Variants in AFF3 observed in about 807,000 individuals in gnomAD.
AFF3 encodes ALF transcription elongation factor 3.
AFF3 carries 32 observed loss-of-function variants against 129.7 expected under a neutral mutation model. The ratio of observed to expected loss-of-function variants is 0.25; its 90% CI spans 0.19 to 0.33. The LOEUF is 0.33. Ranked by LOEUF, AFF3 falls within the 10% of genes least tolerant of loss-of-function variation. The pLI is 1.00. For missense variants in AFF3, 1,373 were observed against 1,592.0 expected, an observed-to-expected ratio of 0.86 and a Z score of 2.34; for synonymous variants, 644 against 635.4, an observed-to-expected ratio of 1.01 and a Z score of -0.20.
intron 14 of AFF3, among the ~76,000 whole-genome samples, chr2:99,595,567 T>G (rs1679203846): frequency 6.6e-6 from 1 of 152,008 alleles, no homozygotes; most frequent in African/African-American, 2.4e-5. Context: ...TTTAATAAAA[T>G]TTTAATAAAA....
Position 99,735,029 on chromosome 2 carries a change from G to A in AFF3, c.1040-7901C>T, listed in dbSNP as rs187005230. Among the ~76,000 whole-genome samples the A allele has an allele frequency of 1.7e-3, 262 of 152,086 alleles. 1 individual carries two copies. The highest frequency in any genetic ancestry group is 5.8e-3 in the African/African-American group (240 of 41,484). ...GTGGAATGATTTTTAAAAAATTACT[G>A]GGCCAATTGTTAAAACGGCTATAGG... On this transcript the variant is annotated intron_variant, in intron 10 of 24. Coordinates refer to ENST00000672756, the MANE Select transcript of AFF3 (RefSeq NM_001386135.1).
At chr2:99,981,953 A>C (rs1679443057) in intron 7 of AFF3, among the ~76,000 whole-genome samples, 1 of 152,198 alleles carries the variant, frequency 6.6e-6, no homozygotes, top group Admixed American at 6.5e-5. Context: ...TGAATTGTCA[A>C]CTGTGGGAAG....
chr2:99,551,603 G>C lies in AFF3; in HGVS notation c.3560-8C>G. 6.2e-7 allele frequency: 1 copy of C among 1,613,928 alleles called. No individual in the cohort carries two copies. Among genetic ancestry groups the C allele is most frequent in the Non-Finnish European group, 8.5e-7 (1 of 1,179,918 alleles). On this transcript the variant is annotated splice_region_variant and splice_polypyrimidine_tract_variant and intron_variant, in intron 24 of 24. Transcript: ENST00000672756. ...CCAGGTCGTTGAAGAATTCTAGGGGGACAGAAAGAGTTGTTAAGAATGCCA... is the reference window on the plus strand; with the variant it reads ...CCAGGTCGTTGAAGAATTCTAGGGGCACAGAAAGAGTTGTTAAGAATGCCA...
At chr2:99,967,930 C>G (rs1439300648) in intron 7 of AFF3, among the ~76,000 whole-genome samples, 1 of 152,210 alleles carries the variant, frequency 6.6e-6, no homozygotes, top group Non-Finnish European at 1.5e-5. Context: ...CCTCACACAG[C>G]CACAGGATTG....
At chr2:100,106,815 A>G (rs1056319074) in intron 2 of AFF3, 1 of 985,482 alleles carries the variant, frequency 1.0e-6, no homozygotes, top group Non-Finnish European at 1.2e-6. Context: ...CCTGGAGCTC[A>G]GATACAGATT....
intron 4 of AFF3, among the ~76,000 whole-genome samples, chr2:100,100,406 C>G (rs1417278373): frequency 3.3e-5 from 5 of 149,788 alleles, no homozygotes; most frequent in Non-Finnish European, 7.4e-5. Flanking sequence ...AGCCCTTGTT[C>G]AAGTTTTCTT....
intron 7 of AFF3, among the ~76,000 whole-genome samples, chr2:99,997,483 C>A (rs891276483): frequency 8.6e-5 from 13 of 151,898 alleles, no homozygotes; most frequent in South Asian, 2.1e-4. Context: ...TCACCCCCCC[C>A]CCAGATTAGC....
chr2:99,568,815 A>G, intron 19 of AFF3, 37 bp downstream of exon 19: 2 of 1,599,350 alleles, frequency 1.3e-6, no homozygotes, highest in Non-Finnish European at 1.7e-6. Context: ...TACACACATA[A>G]TTTGGAAGAA....
chr2:100,079,415 G>A (rs1474608468), intron 4 of AFF3, among the ~76,000 whole-genome samples: 5 of 152,164 alleles, frequency 3.3e-5, no homozygotes, highest in Non-Finnish European at 7.4e-5. Context: ...TAGCAAACTA[G>A]AAAACAGATT....
At chr2:100,029,922 C>T (rs1241181228) in intron 4 of AFF3, among the ~76,000 whole-genome samples, 1 of 151,998 alleles carries the variant, frequency 6.6e-6, no homozygotes, top group Non-Finnish European at 1.5e-5. Context: ...GAATAATTAG[C>T]CAGGCATGGT....
At chr2:99,947,054 T>C (rs540036897) in intron 7 of AFF3, among the ~76,000 whole-genome samples, 4 of 152,316 alleles carry the variant, frequency 2.6e-5, no homozygotes, top group Admixed American at 1.3e-4. Context: ...ATTTATTCAA[T>C]ATTTATTATG....
intron 8 of AFF3, among the ~76,000 whole-genome samples, chr2:99,805,938 G>A (rs1443931394): frequency 6.6e-6 from 1 of 151,450 alleles, no homozygotes; most frequent in Non-Finnish European, 1.5e-5. Context: ...GCACATCTTT[G>A]AAAACTCAAC....
chr2:99,699,850 A>C (rs2104764133), intron 11 of AFF3, among the ~76,000 whole-genome samples: 1 of 152,354 alleles, frequency 6.6e-6, no homozygotes, highest in East Asian at 1.9e-4. Flanking sequence ...AACTGCTGAA[A>C]GGGAATCGAG....
At chr2:99,998,346 C>T (rs1681046002) in intron 7 of AFF3, among the ~76,000 whole-genome samples, 1 of 152,174 alleles carries the variant, frequency 6.6e-6, no homozygotes, top group African/African-American at 2.4e-5. Context: ...CCATCCCCTT[C>T]TGCTGGGGGG....
Position 99,593,996 on chromosome 2 carries a change from G to C in AFF3, c.1665C>G (p.Ala555=), listed in dbSNP as rs149330691. 80 of 1,542,208 alleles carry C rather than the reference G, an allele frequency of 5.2e-5. 1 individual carries two copies. Among genetic ancestry groups the C allele is most frequent in the Non-Finnish European group, 5.8e-5 (66 of 1,145,770 alleles). ...VKQKSPPAAV[A]VAVSAAAPPP... ...GCGGGGCGGCTGCGCTCACCGCCAC[G>C]GCCACGGCCGCGGGCGGGGACTTCT... The change falls in exon 15 of 25, where the codon GCC becomes GCG. Residue 555 remains alanine (A), a synonymous_variant. Coordinates refer to ENST00000672756, the MANE Select transcript of AFF3 (RefSeq NM_001386135.1).
chr2:100,001,320 C>T (rs1221716153), intron 7 of AFF3, among the ~76,000 whole-genome samples: 2 of 152,232 alleles, frequency 1.3e-5, no homozygotes, highest in Non-Finnish European at 2.9e-5. Context: ...CCTTCACACA[C>T]ACGATACATT....
chr2:100,110,601 G>C (rs997515546), intron 2 of AFF3, among the ~76,000 whole-genome samples: 1 of 152,230 alleles, frequency 6.6e-6, no homozygotes, highest in African/African-American at 2.4e-5. Flanking sequence ...CATTGGTGGA[G>C]AAAGGGCAGC....
rs72966292 is a variant in AFF3, at chr2:99,635,301, A to G, written c.1184+14325T>C. 1.9e-3 allele frequency among the ~76,000 whole-genome samples: 283 copies of G among 152,140 alleles called. 5 individuals are homozygous for G. The highest frequency in any genetic ancestry group is 6.4e-3 in the African/African-American group (264 of 41,498). On this transcript the variant is annotated intron_variant, in intron 13 of 24. Coordinates refer to ENST00000672756, the MANE Select transcript of AFF3 (RefSeq NM_001386135.1). ...ATATACATATCATACATATACACAT[A>G]TCATATATGTATATGACACAGGGTC...
At chr2:99,837,552 CT>C in intron 7 of AFF3, 28 bp from the exon 8 acceptor site, 1 of 1,604,752 alleles carries the variant, frequency 6.2e-7, no homozygotes. Context: ...AAAATTAAGC[CT>C]GATGGAATAG....
Sources: allele counts gnomAD v4.1 joint callset (sites outside exome capture counted in the v4.1 genomes callset), GRCh38; gene constraint gnomAD v4.1.1; transcripts MANE v1.5; gene names NCBI Gene and HGNC (gene_info 2026-07-23, HGNC 2026-07-21).